Variants in CORIN observed in about 807,000 individuals in gnomAD.
CORIN encodes the protein corin, serine peptidase, also known as atrial natriuretic peptide-converting enzyme.
In CORIN, 117 loss-of-function variants were observed where a neutral mutation model predicts 125.3. The ratio of observed to expected loss-of-function variants is 0.93; its 90% CI spans 0.80 to 1.09. CORIN has a LOEUF of 1.09. CORIN is among the 50% of genes least tolerant of loss of function. CORIN has a pLI of 0.00. For synonymous variants in CORIN, 450 were observed against 466.4 expected, an observed-to-expected ratio of 0.96 and a Z score of 0.45; for missense variants, 1,253 against 1,306.7, an observed-to-expected ratio of 0.96 and a Z score of 0.63.
intron 12 of CORIN, among the ~76,000 whole-genome samples, chr4:47,657,048 T>TA (rs1467300637): frequency 6.6e-6 from 1 of 151,850 alleles, no homozygotes; most frequent in Non-Finnish European, 1.5e-5. Flanking sequence ...ACAAATAAAA[T>TA]AAAATACCTG....
intron 1 of CORIN, among the ~76,000 whole-genome samples, chr4:47,833,629 G>C (rs903078730): frequency 2.6e-5 from 4 of 151,480 alleles, no homozygotes; most frequent in Admixed American, 2.0e-4. Flanking sequence ...AATCTATAAA[G>C]TGGGAGAAAA....
chr4:47,677,239 A>C (rs1344426074), intron 9 of CORIN, among the ~76,000 whole-genome samples: 1 of 152,220 alleles, frequency 6.6e-6, no homozygotes, highest in Non-Finnish European at 1.5e-5. Flanking sequence ...GTATCTTGCC[A>C]AAAGTCACCA....
intron 2 of CORIN, among the ~76,000 whole-genome samples, chr4:47,794,007 A>T (rs1165992176): frequency 1.3e-5 from 2 of 152,156 alleles, no homozygotes; most frequent in African/African-American, 4.8e-5. Flanking sequence ...GGGCCTCAGT[A>T]GTTAAAGAAA....
Sources: allele counts gnomAD v4.1 joint callset (sites outside exome capture counted in the v4.1 genomes callset), GRCh38; gene constraint gnomAD v4.1.1; transcripts MANE v1.5; gene names NCBI Gene and HGNC (gene_info 2026-07-23, HGNC 2026-07-21).